The following PSME4 variants were observed in gnomAD, a reference collection of about 807,000 sequenced individuals.
PSME4 encodes proteasome activator subunit 4, also known as proteasome activator complex subunit 4.
PSME4 carries 89 observed loss-of-function variants against 253.9 expected under a neutral mutation model. The ratio of observed to expected loss-of-function variants is 0.35; its 90% CI spans 0.30 to 0.42. The LOEUF (loss-of-function observed/expected upper bound fraction) is 0.42. Among genes scored for constraint, PSME4 ranks in the 10% least tolerant of loss-of-function variants. The pLI is 1.00. For missense variants in PSME4, 2,014 were observed against 2,195.2 expected, an observed-to-expected ratio of 0.92 and a Z score of 1.65; for synonymous variants, 851 against 759.2, an observed-to-expected ratio of 1.12 and a Z score of -1.99.
At chr2:53,910,993 G>A (rs1156388675) in intron 20 of PSME4, among the ~76,000 whole-genome samples, 3 of 152,096 alleles carry the variant, frequency 2.0e-5, no homozygotes, top group Non-Finnish European at 2.9e-5. Flanking sequence ...CCAATGAACT[G>A]CACAAGACTT....
chr2:53,958,767 TA>T lies in PSME4; in HGVS notation c.243-9485del, dbSNP rs1029900764. On this transcript the variant is annotated intron_variant, in intron 1 of 46. Coordinates refer to ENST00000404125, the MANE Select transcript of PSME4 (RefSeq NM_014614.3). Reference sequence around the variant, plus strand: ...TATACCTAAAACATCTGAAACAACTTAAAAAAAAAACACTTTTAGACTAAAC... The same window carrying T: ...TATACCTAAAACATCTGAAACAACTTAAAAAAAAACACTTTTAGACTAAAC... Among the ~76,000 whole-genome samples the T allele has an allele frequency of 4.1e-4, 57 of 137,506 alleles. No homozygotes were observed. In the East Asian group the frequency reaches 6.4e-3, roughly 16 times the overall value. 90.2% of individuals were successfully genotyped at this position (137,506 alleles called of 152,430 possible). A position where few individuals can be genotyped will look rare whatever the true frequency, so the allele number is the denominator to read the frequency against.
At chr2:53,940,561 A>G (rs983801085) in intron 3 of PSME4, among the ~76,000 whole-genome samples, 1 of 152,044 alleles carries the variant, frequency 6.6e-6, no homozygotes. Context: ...TTACTTTACA[A>G]CATGTAGTTG....
intron 1 of PSME4, among the ~76,000 whole-genome samples, chr2:53,963,442 C>A (rs1558433616): frequency 6.6e-6 from 1 of 152,132 alleles, no homozygotes; most frequent in Non-Finnish European, 1.5e-5. Flanking sequence ...GCATTGCACT[C>A]AAAAAATTGT....
intron 29 of PSME4, 86 bp downstream of exon 29, chr2:53,899,795 G>C (rs1033259224): frequency 6.8e-7 from 1 of 1,476,246 alleles, no homozygotes; most frequent in African/African-American, 1.4e-5. Context: ...TCCAGCCTGG[G>C]CAACAGAGCA....
intron 3 of PSME4, among the ~76,000 whole-genome samples, chr2:53,944,414 C>T (rs1339146626): frequency 6.6e-6 from 1 of 152,176 alleles, no homozygotes; most frequent in Admixed American, 6.5e-5. Flanking sequence ...TCTACCTCAG[C>T]TTCCCAAAGT....
chr2:53,939,826 T>C (rs933206026), intron 4 of PSME4, 130 bp downstream of exon 4: 1 of 691,940 alleles, frequency 1.4e-6, no homozygotes, highest in East Asian at 2.9e-5. Flanking sequence ...AAACGGTATG[T>C]TGTGCTCAGT....
chr2:53,918,936 AAAGTT>A, intron 20 of PSME4, among the ~76,000 whole-genome samples: 1 of 152,188 alleles, frequency 6.6e-6, no homozygotes, highest in East Asian at 1.9e-4. Flanking sequence ...ATTAATACCT[AAAGTT>A]ATTCTATCCT....
chr2:53,900,451 G>A lies in PSME4; in HGVS notation c.3286-434C>T, dbSNP rs550003282. Among the ~76,000 whole-genome samples, 6 of 151,800 alleles carry A rather than the reference G, an allele frequency of 4.0e-5. No individual in the cohort carries two copies. The South Asian group carries it at 1.2e-3, about 32-fold the overall frequency. On this transcript the variant is annotated intron_variant, in intron 28 of 46. Transcript: ENST00000404125. The stretch of plus-strand genomic sequence containing the variant: ...CTGGGTGTAGTGGTGCACACCTATA[G>A]TCCTAGTTACTAGGAAGGCTGAGGC...
In PSME4 at chr2:53,939,045, A is replaced by C. The variant is rs867343050; in HGVS notation, c.545+911T>G. Reference sequence around the variant, plus strand: ...AGTGATAATCAAGTTTCCAGTGAGGAAACACAGGCCAAGAAGGTAACTGCC... The same window carrying C: ...AGTGATAATCAAGTTTCCAGTGAGGCAACACAGGCCAAGAAGGTAACTGCC... On this transcript the variant is annotated intron_variant, in intron 4 of 46. Coordinates refer to ENST00000404125, the MANE Select transcript of PSME4 (RefSeq NM_014614.3). Among the ~76,000 whole-genome samples, 807 of 152,302 alleles carry C rather than the reference A, an allele frequency of 5.3e-3. 6 individuals are homozygous for C. Among genetic ancestry groups the C allele is most frequent in the African/African-American group, 0.018 (768 of 41,562 alleles).
At chr2:53,866,270 AG>A in intron 45 of PSME4, 47 bp from the exon 46 acceptor site, 2 of 1,595,974 alleles carry the variant, frequency 1.3e-6, no homozygotes, top group South Asian at 2.2e-5. Flanking sequence ...CTGGACAACC[AG>A]GATCATATGT....
intron 41 of PSME4, among the ~76,000 whole-genome samples, chr2:53,883,167 C>A (rs1558650160): frequency 6.6e-6 from 1 of 152,114 alleles, no homozygotes; most frequent in Non-Finnish European, 1.5e-5. Flanking sequence ...TACACTGTTA[C>A]TGAAATTTTC....
chr2:53,930,234 T>G (rs1312233884), intron 10 of PSME4, among the ~76,000 whole-genome samples: 1 of 152,162 alleles, frequency 6.6e-6, no homozygotes. Flanking sequence ...AAAAACGTGA[T>G]AGGTCTATTT....
intron 37 of PSME4, among the ~76,000 whole-genome samples, chr2:53,889,371 T>TA (rs1679793165): frequency 6.6e-6 from 1 of 152,112 alleles, no homozygotes. Context: ...TAATACCTAA[T>TA]ACAATGTAAA....
intron 20 of PSME4, among the ~76,000 whole-genome samples, chr2:53,917,900 CAA>C (rs1242971243): frequency 2.0e-5 from 3 of 152,112 alleles, no homozygotes; most frequent in Non-Finnish European, 2.9e-5. Flanking sequence ...TAATGAAAAA[CAA>C]AAGTTCTTTA....
chr2:53,900,058 G>C lies in PSME4; in HGVS notation c.3286-41C>G, dbSNP rs368355810. 5 of 1,571,752 alleles carry C rather than the reference G, an allele frequency of 3.2e-6. No individual in the cohort carries two copies. The African/African-American group carries it at 6.8e-5, about 21-fold the overall frequency. On this transcript the variant is annotated intron_variant, in intron 28 of 46. Transcript: ENST00000404125. ...AAAGCAGGAAAAAAAATGAAGTTCT[G>C]ATGCATACTACCTGAACGAACCTTG...
In PSME4 at chr2:53,869,472, G is replaced by C. The variant is rs1429072709; in HGVS notation, c.5167C>G (p.Pro1723Ala). 2.5e-6 allele frequency: 4 copies of C among 1,604,948 alleles called. No homozygotes were observed. Among genetic ancestry groups the C allele is most frequent in the South Asian group, 1.1e-5 (1 of 89,696 alleles). The change falls in exon 44 of 47, where the codon CCT (proline) becomes GCT (alanine). Residue 1723 changes from proline (P) to alanine (A), a missense_variant. This residue lies in a region of PSME4 where 403 missense variants were observed against 556.1 expected (regional missense o/e 0.72). Transcript: ENST00000404125. ...LQCNFLTMDS[P>A]MQIHFEQLCK... Reference sequence around the variant, plus strand: ...AGTTGCTCAAAATGAATCTGCATAGGACTGTCCATGGTAAGAAAGTTACAC... The same window carrying C: ...AGTTGCTCAAAATGAATCTGCATAGCACTGTCCATGGTAAGAAAGTTACAC...
chr2:53,930,677 G>A (rs912467392), intron 10 of PSME4, among the ~76,000 whole-genome samples: 2 of 152,164 alleles, frequency 1.3e-5, no homozygotes, highest in Admixed American at 6.5e-5. Flanking sequence ...GATAATGGAG[G>A]CCCATTTTGG....
At chr2:53,902,823 T>G (rs1680474289) in intron 27 of PSME4, among the ~76,000 whole-genome samples, 1 of 152,158 alleles carries the variant, frequency 6.6e-6, no homozygotes, top group East Asian at 1.9e-4. Context: ...TTTCAAGAAG[T>G]TTTAAAAAAG....
rs10599430 is a variant in PSME4, at chr2:53,876,716, CTTTTTTT to C, written c.4816-968_4816-962del. Among the ~76,000 whole-genome samples the C allele has an allele frequency of 5.7e-4, 56 of 97,846 alleles. 1 individual carries two copies. Among genetic ancestry groups the C allele is most frequent in the African/African-American group, 2.1e-3 (54 of 25,986 alleles). 64.2% of individuals were successfully genotyped at this position (97,846 alleles called of 152,430 possible). A position where few individuals can be genotyped will look rare whatever the true frequency, so the allele number is the denominator to read the frequency against. On this transcript the variant is annotated intron_variant, in intron 41 of 46. Coordinates refer to ENST00000404125, the MANE Select transcript of PSME4 (RefSeq NM_014614.3). ...TCTGATGGCTGTAGCCACTGTCATT[CTTTTTTT>C]TTTTTTTTTTTTTGAGACAGGGTCT... is the stretch of plus-strand genomic sequence containing the variant.
Sources: allele counts gnomAD v4.1 joint callset (sites outside exome capture counted in the v4.1 genomes callset), GRCh38; gene constraint gnomAD v4.1.1; regional missense constraint gnomAD v4.1.1; transcripts MANE v1.5; gene names NCBI Gene and HGNC (gene_info 2026-07-23, HGNC 2026-07-21).